GCNT2: variants seen among roughly 807,000 people sequenced by gnomAD.
GCNT2 encodes the protein N-acetyllactosaminide beta-1,6-N-acetylglucosaminyl-transferase.
In GCNT2, 34 loss-of-function variants were observed where a neutral mutation model predicts 34.2. The observed-to-expected ratio is 1.00, with a 90% CI of 0.76 to 1.32. The LOEUF (loss-of-function observed/expected upper bound fraction) is 1.32, where lower values mean the gene tolerates loss of function less well. Ranked by LOEUF, GCNT2 falls within the 40% of genes most tolerant of loss-of-function variation. The pLI is 0.00. For missense variants in GCNT2, 584 were observed against 489.4 expected (o/e 1.19, Z -1.82); for synonymous variants, 212 against 188.0 (o/e 1.13, Z -1.04).
intron 3 of GCNT2, among the ~76,000 whole-genome samples, chr6:10,576,522 T>C (rs1299172199): frequency 1.3e-5 from 2 of 151,898 alleles, no homozygotes; most frequent in African/African-American, 4.8e-5. Flanking sequence ...GAATAGTTAA[T>C]TAAAAAAACA....
intron 3 of GCNT2, among the ~76,000 whole-genome samples, chr6:10,595,694 A>G (rs1243182215): frequency 6.6e-6 from 1 of 152,066 alleles, no homozygotes; most frequent in Non-Finnish European, 1.5e-5. Flanking sequence ...AAAAAATGAG[A>G]GCCTTTTCAC....
At chr6:10,534,159 T>TTTTTTTTTTTTTTTTTTTTTTTTTA (rs1581368678) in intron 3 of GCNT2, among the ~76,000 whole-genome samples, 1 of 146,410 alleles carries the variant, frequency 6.8e-6, no homozygotes, top group Non-Finnish European at 1.5e-5. Context: ...TTTTTTTTTT[T>TTTTTTTTTTTTTTTTTTTTTTTTTA]AAGATGGAGT....
At chr6:10,576,757 A>T (rs994747837) in intron 3 of GCNT2, among the ~76,000 whole-genome samples, 5 of 151,956 alleles carry the variant, frequency 3.3e-5, no homozygotes, top group Non-Finnish European at 7.4e-5. Context: ...AAAGAGGAAA[A>T]AGTGTTGTAA....
At chr6:10,586,041 A>C (rs746674381) in intron 3 of GCNT2, 7 of 1,614,142 alleles carry the variant, frequency 4.3e-6, no homozygotes, top group Non-Finnish European at 5.9e-6. Context: ...CAGCGTGGTC[A>C]TTTTTGTGAG....
chr6:10,530,485 G>T lies in GCNT2; in HGVS notation c.925+649G>T, dbSNP rs538112637. ...AATTTGAAGATTTCATAATATTTTT[G>T]TCTCTGTTGAAGCTCCCATCCTTTT... On this transcript the variant is annotated intron_variant, in intron 3 of 4. Transcript: ENST00000495262. Among the ~76,000 whole-genome samples the T allele has an allele frequency of 5.2e-3, 784 of 152,212 alleles. 4 individuals are homozygous for T. Among genetic ancestry groups the T allele is most frequent in the Non-Finnish European group, 8.1e-3 (554 of 67,998 alleles).
chr6:10,620,345 G>A (rs1765977742), intron 3 of GCNT2, among the ~76,000 whole-genome samples: 2 of 152,082 alleles, frequency 1.3e-5, no homozygotes, highest in Non-Finnish European at 2.9e-5. Context: ...TAACTCTAAA[G>A]CAAAGTATTT....
chr6:10,557,213 T>A, intron 3 of GCNT2: 1 of 1,583,472 alleles, frequency 6.3e-7, no homozygotes, highest in South Asian at 1.2e-5. Flanking sequence ...TGGCTCTGCC[T>A]ATGTGGCTCT....
At chr6:10,561,348 G>A (rs1194188174) in intron 3 of GCNT2, among the ~76,000 whole-genome samples, 2 of 152,148 alleles carry the variant, frequency 1.3e-5, no homozygotes, top group Non-Finnish European at 2.9e-5. Flanking sequence ...TTTTAGTAGA[G>A]ACGGGGTTTC....
intron 3 of GCNT2, among the ~76,000 whole-genome samples, chr6:10,617,393 C>T (rs987573840): frequency 6.6e-6 from 1 of 152,204 alleles, no homozygotes. Context: ...CCGCCGGCGC[C>T]TCTCTCTCCA....
At chr6:10,566,610 G>A (rs1763293856) in intron 3 of GCNT2, among the ~76,000 whole-genome samples, 1 of 152,214 alleles carries the variant, frequency 6.6e-6, no homozygotes, top group Non-Finnish European at 1.5e-5. Flanking sequence ...GTTTTGCAGT[G>A]CTGTGTTGTA....
chr6:10,526,257 G>A (rs1312756259), intron 1 of GCNT2, among the ~76,000 whole-genome samples: 1 of 152,180 alleles, frequency 6.6e-6, no homozygotes, highest in African/African-American at 2.4e-5. Flanking sequence ...AGGCACAACT[G>A]GGTGTACCTG....
intron 3 of GCNT2, among the ~76,000 whole-genome samples, chr6:10,604,276 TTAATG>T (rs997174395): frequency 2.6e-5 from 4 of 152,212 alleles, no homozygotes; most frequent in East Asian, 1.9e-4. Flanking sequence ...TTTTTGTACT[TTAATG>T]TATTATTTGA....
intron 3 of GCNT2, among the ~76,000 whole-genome samples, chr6:10,557,700 A>G (rs1190036333): frequency 1.3e-5 from 2 of 152,162 alleles, no homozygotes; most frequent in Admixed American, 6.5e-5. Context: ...TATGTTGCCC[A>G]GGCTGGTCTC....
intron 3 of GCNT2, among the ~76,000 whole-genome samples, chr6:10,599,729 A>C (rs1765018381): frequency 6.6e-6 from 1 of 152,194 alleles, no homozygotes; most frequent in Non-Finnish European, 1.5e-5. Context: ...CAGCCAAGGA[A>C]TGATAATAAC....
At chr6:10,556,160 G>A in intron 3 of GCNT2, 3 of 1,358,298 alleles carry the variant, frequency 2.2e-6, no homozygotes, top group Non-Finnish European at 2.8e-6. Context: ...GGCAGAGGGA[G>A]GAGGGAAGGC....
intron 3 of GCNT2, among the ~76,000 whole-genome samples, chr6:10,555,306 A>G (rs759193929): frequency 1.3e-5 from 2 of 152,142 alleles, no homozygotes; most frequent in African/African-American, 2.4e-5. Flanking sequence ...AAAGTTGAAG[A>G]TGAGAACTTT....
chr6:10,583,974 C>A (rs986761888), intron 3 of GCNT2, among the ~76,000 whole-genome samples: 1 of 152,032 alleles, frequency 6.6e-6, no homozygotes, highest in Non-Finnish European at 1.5e-5. Flanking sequence ...GTATTTCTTG[C>A]AAGGTGGAGA....
chr6:10,528,864 C>T lies in GCNT2; in HGVS notation c.-48C>T, dbSNP rs1274220037. On this transcript the variant is annotated 5_prime_UTR_variant, in exon 3 of 5. Coordinates refer to ENST00000495262, the MANE Select transcript of GCNT2 (RefSeq NM_145649.5). ...AATGTAAGTTAAATATATCTACACT[C>T]TGATCCTATCTCAAGAGAGAGATAT... is the stretch of plus-strand genomic sequence containing the variant. The T allele has an allele frequency of 7.1e-7, 1 of 1,402,100 alleles. No individual in the cohort carries two copies. Among genetic ancestry groups the T allele is most frequent in the Admixed American group, 1.7e-5 (1 of 59,806 alleles). 86.9% of individuals were successfully genotyped at this position (1,402,100 alleles called of 1,614,324 possible).
rs182648074 is a variant in GCNT2, at chr6:10,584,055, G to C, written c.926-37296G>C. Among the ~76,000 whole-genome samples the C allele has an allele frequency of 1.1e-4, 16 of 152,172 alleles. No homozygotes were observed. In the East Asian group the frequency reaches 1.7e-3, roughly 17 times the overall value. On this transcript the variant is annotated intron_variant, in intron 3 of 4. Coordinates refer to ENST00000495262, the MANE Select transcript of GCNT2 (RefSeq NM_145649.5). ...GAAGAAAAGTGGGCCCTGGGGGACC[G>C]GCGCTTAGTAAGTGAGGACCAACAC...
Sources: allele counts gnomAD v4.1 joint callset (sites outside exome capture counted in the v4.1 genomes callset), GRCh38; gene constraint gnomAD v4.1.1; transcripts MANE v1.5; gene names NCBI Gene and HGNC (gene_info 2026-07-23, HGNC 2026-07-21).